The following PALM2AKAP2 variants were observed in gnomAD, a reference collection of about 807,000 sequenced individuals.
The protein encoded by PALM2AKAP2 is PALM2-AKAP2 fusion protein.
In PALM2AKAP2, 37 loss-of-function variants were observed where a neutral mutation model predicts 71.5. The ratio of observed to expected loss-of-function variants is 0.52; its 90% confidence interval spans 0.40 to 0.68. The LOEUF (loss-of-function observed/expected upper bound fraction) is 0.68, where lower values mean the gene tolerates loss of function less well. Among genes scored for constraint, PALM2AKAP2 ranks in the 30% least tolerant of loss-of-function variants. The pLI is 0.00. For synonymous variants in PALM2AKAP2, 468 were observed against 478.8 expected, an observed-to-expected ratio of 0.98 and a Z score of 0.29; for missense variants, 1,224 against 1,191.8, an observed-to-expected ratio of 1.03 and a Z score of -0.40.
chr9:110,069,557 G>A (rs1834160454), intron 1 of PALM2AKAP2, among the ~76,000 whole-genome samples: 2 of 152,126 alleles, frequency 1.3e-5, no homozygotes, highest in Admixed American at 1.3e-4. Context: ...CTGTTTTCAT[G>A]TTCATGTTCA....
In PALM2AKAP2 at chr9:109,809,634, G is replaced by T. The variant is rs531238714; in HGVS notation, c.45+29101G>T. On this transcript the variant is annotated intron_variant, in intron 1 of 9. Coordinates refer to the PALM2AKAP2 transcript ENST00000302798. ...AATGCTGAAATGAGTTAAGACTTTG[G>T]GGGACTATTGGGAAGGCATGTTTGT... Among the ~76,000 whole-genome samples the T allele has an allele frequency of 1.5e-4, 23 of 152,298 alleles. No individual in the cohort carries two copies. The South Asian group carries it at 4.8e-3, about 32-fold the overall frequency.
At chr9:110,007,805 C>T (rs1333849669) in intron 6 of PALM2AKAP2, among the ~76,000 whole-genome samples, 1 of 152,132 alleles carries the variant, frequency 6.6e-6, no homozygotes, top group Non-Finnish European at 1.5e-5. Flanking sequence ...AGAAGGAATA[C>T]CCAAAGATAG....
chr9:109,877,304 T>C (rs1353771045), intron 2 of PALM2AKAP2, among the ~76,000 whole-genome samples: 2 of 152,108 alleles, frequency 1.3e-5, no homozygotes, highest in Non-Finnish European at 2.9e-5. Flanking sequence ...CATTTACTCA[T>C]TCATTATAGG....
exon 1 of PALM2AKAP2, chr9:109,780,483 T>C (rs768911325): frequency 6.2e-7 from 1 of 1,613,492 alleles, no homozygotes; most frequent in Non-Finnish European, 8.5e-7. Context: ...TGTGCCCTTC[T>C]CCAGGATGGC....
chr9:109,767,889 G>A (rs761343822), intron 1 of PALM2AKAP2, among the ~76,000 whole-genome samples: 3 of 44,412 alleles, frequency 6.8e-5, no homozygotes, highest in African/African-American at 4.3e-4. Context: ...GGTTCAAAGC[G>A]TGGGCTAATA....
At chr9:110,101,885 G>A (rs1198271367) in intron 1 of PALM2AKAP2, among the ~76,000 whole-genome samples, 1 of 152,160 alleles carries the variant, frequency 6.6e-6, no homozygotes, top group Non-Finnish European at 1.5e-5. Flanking sequence ...TTGGATCACT[G>A]GTCCCCAAGG....
intron 1 of PALM2AKAP2, among the ~76,000 whole-genome samples, chr9:109,806,402 GAT>G (rs1827574139): frequency 6.6e-6 from 1 of 152,182 alleles, no homozygotes; most frequent in African/African-American, 2.4e-5. Flanking sequence ...TATATTTGTG[GAT>G]GCTGAGAATG....
At chr9:109,669,979 C>T (rs145798278) in intron 1 of PALM2AKAP2, among the ~76,000 whole-genome samples, 3 of 151,824 alleles carry the variant, frequency 2.0e-5, no homozygotes, top group African/African-American at 7.2e-5. Flanking sequence ...ATCTTAAAAA[C>T]TTAGGCCATT....
chr9:109,978,970 GC>G, intron 6 of PALM2AKAP2, among the ~76,000 whole-genome samples: 1 of 151,880 alleles, frequency 6.6e-6, no homozygotes, highest in Non-Finnish European at 1.5e-5. Context: ...TTCTCCACAA[GC>G]CTCTCTGCTC....
intron 1 of PALM2AKAP2, among the ~76,000 whole-genome samples, chr9:109,642,741 G>A (rs910844796): frequency 3.3e-5 from 5 of 151,276 alleles, no homozygotes; most frequent in African/African-American, 7.3e-5. Flanking sequence ...TCATACAGAC[G>A]GGATTGTCCT....
chr9:110,069,553 T>TCATGTTCA (rs1289081017), intron 1 of PALM2AKAP2, among the ~76,000 whole-genome samples: 3 of 152,204 alleles, frequency 2.0e-5, no homozygotes, highest in Non-Finnish European at 2.9e-5. Flanking sequence ...TCAGCTGTTT[T>TCATGTTCA]CATGTTCATG....
At chr9:109,805,741 T>C (rs2131416819) in intron 1 of PALM2AKAP2, among the ~76,000 whole-genome samples, 1 of 152,326 alleles carries the variant, frequency 6.6e-6, no homozygotes, top group African/African-American at 2.4e-5. Flanking sequence ...GAAGAGGTAA[T>C]TTACGCATTT....
At chr9:109,963,052 A>G (rs2132122952) in intron 6 of PALM2AKAP2, among the ~76,000 whole-genome samples, 1 of 152,306 alleles carries the variant, frequency 6.6e-6, no homozygotes. Context: ...CTGGTCTGGA[A>G]CTTTAGGAGT....
intron 1 of PALM2AKAP2, among the ~76,000 whole-genome samples, chr9:109,689,047 G>A (rs543655160): frequency 6.6e-6 from 1 of 152,252 alleles, no homozygotes; most frequent in South Asian, 2.1e-4. Context: ...TCTTCAGGGT[G>A]GAGGTAGGCT....
At chr9:109,831,651 A>G (rs574192571) in intron 1 of PALM2AKAP2, among the ~76,000 whole-genome samples, 30 of 152,326 alleles carry the variant, frequency 2.0e-4, no homozygotes, top group African/African-American at 6.3e-4. Context: ...AGAATAAGGA[A>G]GTCTAAAGTC....
At chr9:109,865,510 T>C (rs763581730) in intron 1 of PALM2AKAP2, among the ~76,000 whole-genome samples, 10 of 152,152 alleles carry the variant, frequency 6.6e-5, no homozygotes, top group Non-Finnish European at 1.0e-4. Context: ...AAAGGTCCAC[T>C]GCCCATACTG....
intron 1 of PALM2AKAP2, among the ~76,000 whole-genome samples, chr9:110,085,583 G>GA (rs935773893): frequency 2.0e-5 from 3 of 152,152 alleles, no homozygotes; most frequent in African/African-American, 7.2e-5. Context: ...AACTTCAGAG[G>GA]AAAAAACCTC....
Position 109,955,925 on chromosome 9 carries a change from G to A in PALM2AKAP2, c.496+23897G>A, listed in dbSNP as rs571736382. On this transcript the variant is annotated intron_variant, in intron 6 of 9. Transcript: ENST00000302798. ...GCACTCCAACTTGGCAACACAGCAAGACTCCTCTGTCTTAAAAAAAACAAA... is the reference window on the plus strand; with the variant it reads ...GCACTCCAACTTGGCAACACAGCAAAACTCCTCTGTCTTAAAAAAAACAAA... 1.4e-3 allele frequency among the ~76,000 whole-genome samples: 218 copies of A among 151,376 alleles called. 3 individuals carry two copies. The highest frequency in any genetic ancestry group is 3.8e-4 in the Non-Finnish European group (26 of 67,890).
At chr9:109,714,393 A>G (rs1318987864) in intron 1 of PALM2AKAP2, among the ~76,000 whole-genome samples, 1 of 152,006 alleles carries the variant, frequency 6.6e-6, no homozygotes, top group East Asian at 1.9e-4. Context: ...AGCCTGGGCT[A>G]CTCTGATTGC....
Sources: allele counts gnomAD v4.1 joint callset (sites outside exome capture counted in the v4.1 genomes callset), GRCh38; gene constraint gnomAD v4.1.1; transcripts MANE v1.5; gene names NCBI Gene and HGNC (gene_info 2026-07-23, HGNC 2026-07-21).